Variants in BCAP29 observed in about 807,000 individuals in gnomAD.
BCAP29 encodes B cell receptor associated protein 29.
BCAP29 carries 34 observed loss-of-function variants against 31.8 expected under a neutral mutation model. That is an observed-to-expected ratio of 1.07 (90% CI 0.81 to 1.42). The LOEUF is 1.42. Among genes scored for constraint, BCAP29 ranks in the 40% most tolerant of loss-of-function variants. The pLI is 0.00. For synonymous variants in BCAP29, 104 were observed against 91.3 expected (o/e 1.14, Z -0.79); for missense variants, 314 against 269.2 (o/e 1.17, Z -1.16).
At chr7:107,582,552 A>G (rs771000455) in intron 2 of BCAP29, among the ~76,000 whole-genome samples, 1 of 152,198 alleles carries the variant, frequency 6.6e-6, no homozygotes, top group Non-Finnish European at 1.5e-5. Flanking sequence ...GCATGTTACT[A>G]ACCTTGGGCA....
chr7:107,615,153 G>C (rs540329875), intron 7 of BCAP29: 1 of 452,928 alleles, frequency 2.2e-6, no homozygotes, highest in Non-Finnish European at 4.5e-6. Flanking sequence ...CTCCATTGTT[G>C]AATGTCTCCA....
intron 6 of BCAP29, among the ~76,000 whole-genome samples, chr7:107,606,342 T>C (rs1812089061): frequency 6.6e-6 from 1 of 152,204 alleles, no homozygotes; most frequent in Admixed American, 6.5e-5. Flanking sequence ...TAAGCAAAAC[T>C]GACTATCAAG....
At chr7:107,580,402 C>A (rs1388474065) in intron 1 of BCAP29, 101 bp downstream of exon 1, 1 of 224,718 alleles carries the variant, frequency 4.5e-6, no homozygotes, top group African/African-American at 2.4e-5. Flanking sequence ...CTGGCCCGAC[C>A]CGGCCCGGCC....
chr7:107,600,322 T>G (rs1810925900), intron 5 of BCAP29, 75 bp from the exon 6 acceptor site: 2 of 880,766 alleles, frequency 2.3e-6, no homozygotes, highest in African/African-American at 3.3e-5. Context: ...GATAGGTTAC[T>G]CAGCTTATTT....
At chr7:107,606,443 C>G (rs1177360811) in intron 6 of BCAP29, among the ~76,000 whole-genome samples, 1 of 152,172 alleles carries the variant, frequency 6.6e-6, no homozygotes. Context: ...TTTCTCCAAA[C>G]TTAATAAGCT....
At chr7:107,585,948 G>A (rs529067043) in intron 3 of BCAP29, among the ~76,000 whole-genome samples, 4 of 152,082 alleles carry the variant, frequency 2.6e-5, no homozygotes, top group South Asian at 2.1e-4. Flanking sequence ...CCGAGATCGC[G>A]CCATTGCACT....
chr7:107,595,916 T>C lies in BCAP29; in HGVS notation c.394T>C (p.Ser132Pro). The C allele has an allele frequency of 1.2e-6, 2 of 1,602,090 alleles. No individual in the cohort carries two copies. The part of the protein sequence containing the change: ...TLITQLAKEL[S>P]NKGVLKTQAE... ...TATTACTCAACTGGCAAAAGAACTG[T>C]CAAACAAAGGTGTACTTAAAACTCA... The change falls in exon 5 of 8, where the codon TCA becomes CCA. Residue 132 changes from serine to proline, a missense_variant. Coordinates refer to ENST00000005259, the MANE Select transcript of BCAP29 (RefSeq NM_018844.4).
At chr7:107,614,497 A>G (rs1433319646) in intron 7 of BCAP29, among the ~76,000 whole-genome samples, 1 of 152,206 alleles carries the variant, frequency 6.6e-6, no homozygotes, top group Non-Finnish European at 1.5e-5. Flanking sequence ...TTTTAGCACT[A>G]TGCCTAGCTG....
chr7:107,583,609 C>A (rs1807099067), intron 2 of BCAP29, among the ~76,000 whole-genome samples: 1 of 151,998 alleles, frequency 6.6e-6, no homozygotes, highest in Non-Finnish European at 1.5e-5. Context: ...TGCAAGAATT[C>A]CTTTTTAAGG....
chr7:107,597,112 TAA>T (rs1207177144), intron 5 of BCAP29, among the ~76,000 whole-genome samples: 4 of 152,124 alleles, frequency 2.6e-5, no homozygotes, highest in Non-Finnish European at 5.9e-5. Context: ...AATTGACCAA[TAA>T]AGTGACCAAC....
downstream of BCAP29, chr7:107,621,493 C>T (rs888451172): frequency 2.8e-6 from 1 of 350,998 alleles, no homozygotes; most frequent in Non-Finnish European, 5.6e-6. Context: ...CAAAAGATAT[C>T]CCTATACCAA....
At chr7:107,588,318 C>T (rs572230826) in intron 3 of BCAP29, among the ~76,000 whole-genome samples, 2 of 152,126 alleles carry the variant, frequency 1.3e-5, no homozygotes, top group East Asian at 3.9e-4. Flanking sequence ...AAATGTGGAA[C>T]TAGATAGAGG....
chr7:107,591,983 T>G (rs1054918674), intron 3 of BCAP29, among the ~76,000 whole-genome samples: 4 of 152,004 alleles, frequency 2.6e-5, no homozygotes, highest in African/African-American at 9.7e-5. Flanking sequence ...GACAGGGTCT[T>G]GCCATTTTGC....
At chr7:107,580,977 TAACG>T in intron 2 of BCAP29, 113 bp downstream of exon 2, 1 of 654,222 alleles carries the variant, frequency 1.5e-6, no homozygotes, top group Non-Finnish European at 2.5e-6. Flanking sequence ...TAAACTCACC[TAACG>T]AATTAGGTAG....
chr7:107,581,469 C>T (rs1806652107), intron 2 of BCAP29, among the ~76,000 whole-genome samples: 1 of 152,180 alleles, frequency 6.6e-6, no homozygotes, highest in Non-Finnish European at 1.5e-5. Context: ...CTTCTAAGGT[C>T]TTGAAGAACC....
At position 107,618,709 on chromosome 7, in the gene BCAP29, G is replaced by A. The variant is rs1814622766; in HGVS notation, c.*346G>A. On this transcript the variant is annotated 3_prime_UTR_variant, in exon 8 of 8. Coordinates refer to ENST00000005259, the MANE Select transcript of BCAP29 (RefSeq NM_018844.4). ...TTTAAGTTGCATGAAACCATTAATA[G>A]CCTTGAAAGCTTTGATAAGTTTTCA... The A allele has an allele frequency of 1.2e-6, 1 of 850,988 alleles. No individual in the cohort carries two copies. The allele number at this position is 850,988 out of a possible 1,614,324, so 52.7% of individuals were successfully genotyped here.
At chr7:107,595,085 TC>T (rs544154861) in intron 4 of BCAP29, among the ~76,000 whole-genome samples, 127 of 152,304 alleles carry the variant, frequency 8.3e-4, no homozygotes, top group African/African-American at 2.9e-3. Flanking sequence ...CACAAGCTCT[TC>T]CTTTTGCCAG....
chr7:107,585,436 G>T (rs1162830732), intron 3 of BCAP29, among the ~76,000 whole-genome samples: 1 of 152,156 alleles, frequency 6.6e-6, no homozygotes, highest in Admixed American at 6.5e-5. Flanking sequence ...CATATAACTA[G>T]TTATGAGAAG....
chr7:107,591,656 A>ACACC, intron 3 of BCAP29, among the ~76,000 whole-genome samples: 1 of 136,074 alleles, frequency 7.3e-6, no homozygotes, highest in South Asian at 2.5e-4. Context: ...ACACACACAC[A>ACACC]CCCTATTGGT....
Sources: allele counts gnomAD v4.1 joint callset (sites outside exome capture counted in the v4.1 genomes callset), GRCh38; gene constraint gnomAD v4.1.1; transcripts MANE v1.5; gene names NCBI Gene and HGNC (gene_info 2026-07-23, HGNC 2026-07-21).